ADGRF5: variants seen among roughly 807,000 people sequenced by gnomAD.
ADGRF5 encodes adhesion G protein-coupled receptor F5.
ADGRF5 carries 75 observed loss-of-function variants against 132.3 expected under a neutral mutation model. The ratio of observed to expected loss-of-function variants is 0.57; its 90% CI spans 0.47 to 0.69. The LOEUF is 0.69. Ranked by LOEUF, ADGRF5 falls within the 30% of genes least tolerant of loss-of-function variation. The probability of loss-of-function intolerance (pLI) is 0.00; values close to 1 mark genes in which losing one functional copy is unlikely to be tolerated. For missense variants in ADGRF5, 1,516 were observed against 1,630.6 expected (o/e 0.93, Z 1.21); for synonymous variants, 629 against 597.6 (o/e 1.05, Z -0.77).
intron 1 of ADGRF5, among the ~76,000 whole-genome samples, chr6:46,941,391 G>GAAA: frequency 6.7e-5 from 1 of 15,012 alleles, no homozygotes; most frequent in Non-Finnish European, 1.2e-4. Context: ...AAGAAACAAA[G>GAAA]AAAAGAAAAG....
intron 1 of ADGRF5, among the ~76,000 whole-genome samples, chr6:46,948,115 G>A (rs1778366734): frequency 6.6e-6 from 1 of 152,176 alleles, no homozygotes; most frequent in Admixed American, 6.5e-5. Flanking sequence ...GGAGTAGAAG[G>A]AACTTGACAA....
chr6:46,879,300 G>T (rs778277128), intron 9 of ADGRF5, among the ~76,000 whole-genome samples: 1 of 151,540 alleles, frequency 6.6e-6, no homozygotes, highest in Non-Finnish European at 1.5e-5. Flanking sequence ...GATATGATTT[G>T]GCTCTGTGTC....
chr6:46,905,801 C>G (rs146417000), intron 2 of ADGRF5, among the ~76,000 whole-genome samples: 140 of 152,208 alleles, frequency 9.2e-4, no homozygotes, highest in African/African-American at 3.3e-3. Flanking sequence ...GAAAACATTA[C>G]TACAATAAGA....
intron 1 of ADGRF5, among the ~76,000 whole-genome samples, chr6:46,917,520 T>C (rs1388682097): frequency 1.3e-5 from 2 of 152,228 alleles, no homozygotes; most frequent in East Asian, 1.9e-4. Context: ...AAAATGGGGA[T>C]TATGATTTTA....
chr6:46,874,100 G>C (rs999120073), intron 10 of ADGRF5, among the ~76,000 whole-genome samples: 2 of 152,136 alleles, frequency 1.3e-5, no homozygotes, highest in Admixed American at 1.3e-4. Context: ...CCTAAGTTCA[G>C]CTCTCACCAT....
chr6:46,913,280 C>CAG (rs1400198226), intron 1 of ADGRF5, among the ~76,000 whole-genome samples: 1 of 152,070 alleles, frequency 6.6e-6, no homozygotes, highest in Non-Finnish European at 1.5e-5. Flanking sequence ...GGCGGATCAC[C>CAG]AGATGTCTGG....
intron 1 of ADGRF5, among the ~76,000 whole-genome samples, chr6:46,944,014 A>G (rs1778202360): frequency 6.6e-6 from 1 of 152,196 alleles, no homozygotes; most frequent in Non-Finnish European, 1.5e-5. Context: ...TTCTAAACAA[A>G]GCTGGTAGAT....
intron 2 of ADGRF5, among the ~76,000 whole-genome samples, chr6:46,901,671 C>A (rs978419111): frequency 1.3e-5 from 2 of 152,116 alleles, no homozygotes; most frequent in African/African-American, 4.8e-5. Context: ...CCAGCCAGCT[C>A]CAGAGTCTGC....
intron 1 of ADGRF5, among the ~76,000 whole-genome samples, chr6:46,953,685 A>ATATC (rs1554131447): frequency 5.5e-5 from 7 of 126,956 alleles, no homozygotes; most frequent in Non-Finnish European, 8.4e-5. Context: ...ATATATATAT[A>ATATC]TATATCTCAC....
chr6:46,923,318 T>C (rs1777087544), upstream of ADGRF5, among the ~76,000 whole-genome samples: 1 of 152,194 alleles, frequency 6.6e-6, no homozygotes, highest in Non-Finnish European at 1.5e-5. Context: ...GTTTAGTAAC[T>C]GTTTGTTGTT....
In ADGRF5 at chr6:46,880,221, G is replaced by T. The variant is rs1772296398; in HGVS notation, c.815-182C>A. ...CAGCTGGTGTCTGAGCCCTGAGGAG[G>T]TATGTCCTGCCACATGCCAGGGACA... On this transcript the variant is annotated intron_variant, in intron 8 of 20. Coordinates refer to ENST00000283296, the MANE Select transcript of ADGRF5 (RefSeq NM_001098518.2). Among the ~76,000 whole-genome samples, 3 of 152,288 alleles carry T rather than the reference G, an allele frequency of 2.0e-5. No individual in the cohort carries two copies. The South Asian group carries it at 6.2e-4, about 32-fold the overall frequency.
At chr6:46,926,898 A>G (rs1357802997), upstream of ADGRF5, among the ~76,000 whole-genome samples, 1 of 152,140 alleles carries the variant, frequency 6.6e-6, no homozygotes, top group Non-Finnish European at 1.5e-5. Context: ...CATTTTGTCC[A>G]TGAACACTGG....
intron 2 of ADGRF5, 114 bp from the exon 3 acceptor site, chr6:46,900,197 G>A: frequency 1.3e-6 from 1 of 786,552 alleles, no homozygotes; most frequent in Non-Finnish European, 2.2e-6. Context: ...GCAGACTTTG[G>A]GTTAGCACCA....
chr6:46,888,765 T>A (rs1362129647), intron 3 of ADGRF5, among the ~76,000 whole-genome samples: 1 of 151,868 alleles, frequency 6.6e-6, no homozygotes, highest in East Asian at 1.9e-4. Flanking sequence ...GCAGGGAGGG[T>A]CTGGGAACTG....
At position 46,867,051 on chromosome 6, in the gene ADGRF5, T is replaced by C. The variant is rs202045429; in HGVS notation, c.1708A>G (p.Asn570Asp). The C allele has an allele frequency of 2.5e-6, 4 of 1,613,732 alleles. No homozygotes were observed. Among genetic ancestry groups the C allele is most frequent in the East Asian group, 2.2e-5 (1 of 44,878 alleles). ...VIVHPLPLKL[N>D]IMVDPLEATV... is the part of the protein sequence containing the mutation. ...GCTTCCAAAGGATCAACCATGATGT[T>C]CAGCTTTAGAGGCAGCGGGTGAACA... The change falls in exon 13 of 21, where the codon AAC (asparagine) becomes GAC (aspartate). Residue 570 changes from asparagine to aspartate, a missense_variant. By Grantham distance (23) the Asn-to-Asp change is conservative. This residue lies in a region of ADGRF5 where 945 missense variants were observed against 929.4 expected (regional missense o/e 1.02). Coordinates refer to ENST00000283296, the MANE Select transcript of ADGRF5 (RefSeq NM_001098518.2).
chr6:46,886,642 A>G (rs1045637144), intron 4 of ADGRF5: 3 of 152,218 alleles, frequency 2.0e-5, no homozygotes, highest in African/African-American at 7.2e-5. Flanking sequence ...CCATTACTAA[A>G]AAAGGATCAT....
chr6:46,918,531 T>C (rs374219806), intron 1 of ADGRF5, among the ~76,000 whole-genome samples: 1 of 152,210 alleles, frequency 6.6e-6, no homozygotes, highest in Non-Finnish European at 1.5e-5. Flanking sequence ...GGACACAACA[T>C]GGCAAAGTGA....
chr6:46,893,546 G>A (rs577570694), intron 3 of ADGRF5, among the ~76,000 whole-genome samples: 103 of 152,206 alleles, frequency 6.8e-4, no homozygotes, highest in Admixed American at 2.9e-3. Flanking sequence ...TCAACCTGAG[G>A]ACTTCAGAGC....
Position 46,865,163 on chromosome 6 carries a change from T to A in ADGRF5, c.1869A>T (p.Lys623Asn), listed in dbSNP as rs777434467. 4 of 1,612,742 alleles carry A rather than the reference T, an allele frequency of 2.5e-6. No individual in the cohort carries two copies. The highest frequency in any genetic ancestry group is 1.3e-5 in the African/African-American group (1 of 75,034). ...AAACTGAGCTTGCATTGAAATTGTG[T>A]TTGTAGCACACTTGTTTTTTGTTAA... ...KEVNKKQVCY[K>N]HNFNASSVSW... Residue 623 changes from lysine to asparagine, a missense_variant, in exon 14 of 21, where the codon AAA becomes AAT. Lys to Asn is a moderately conservative substitution (Grantham distance 94). Around this residue, in one of 2 missense-constraint regions of ADGRF5, gnomAD observed 945 missense variants for 929.4 expected, o/e 1.02. Coordinates refer to ENST00000283296, the MANE Select transcript of ADGRF5 (RefSeq NM_001098518.2).
Sources: allele counts gnomAD v4.1 joint callset (sites outside exome capture counted in the v4.1 genomes callset), GRCh38; gene constraint gnomAD v4.1.1; regional missense constraint gnomAD v4.1.1; transcripts MANE v1.5; gene names NCBI Gene and HGNC (gene_info 2026-07-23, HGNC 2026-07-21).